COPB1: variants seen among roughly 807,000 people sequenced by gnomAD.
The protein encoded by COPB1 is coatomer subunit beta.
A neutral mutation model predicts 108.7 loss-of-function variants in COPB1; 21 were observed. That is an observed-to-expected ratio of 0.19 (90% confidence interval 0.14 to 0.28). COPB1 has a LOEUF of 0.28. Among genes scored for constraint, COPB1 ranks in the 10% least tolerant of loss-of-function variants. The pLI is 1.00. For synonymous variants in COPB1, 378 were observed against 386.8 expected (o/e 0.98, Z 0.27); for missense variants, 919 against 1,141.3 (o/e 0.81, Z 2.81).
intron 14 of COPB1, among the ~76,000 whole-genome samples, chr11:14,473,503 C>T (rs55665837): frequency 0.32 from 48,834 of 151,810 alleles, 9,114 homozygotes; most frequent in South Asian, 0.44. Flanking sequence ...GATTATTAAC[C>T]GGCCTAATTT....
rs770815031 is a variant in COPB1, at chr11:14,468,707, C to A, written c.2119G>T (p.Asp707Tyr). ...TTGTTAAGTTTAGATGCTAGGGGATCTGCTGCCTCTTTCCTCTGTGTGTTA... is the reference window on the plus strand; with the variant it reads ...TTGTTAAGTTTAGATGCTAGGGGATATGCTGCCTCTTTCCTCTGTGTGTTA... Reference protein sequence around the residue: ...MGNTQRKEAADPLASKLNKVT... With the variant: ...MGNTQRKEAAYPLASKLNKVT... The change falls in exon 16 of 22, where the codon GAT becomes TAT. Residue 707 changes from aspartate (D) to tyrosine (Y), a missense_variant. By Grantham distance (160) the Asp-to-Tyr change is radical. Coordinates refer to ENST00000439561, the MANE Select transcript of COPB1 (RefSeq NM_001144061.2). The A allele has an allele frequency of 6.2e-7, 1 of 1,614,068 alleles. No individual in the cohort carries two copies. The highest frequency in any genetic ancestry group is 1.1e-5 in the South Asian group (1 of 91,068).
chr11:14,464,976 A>G lies in COPB1; in HGVS notation c.2345T>C (p.Phe782Ser), dbSNP rs1289729516. Residue 782 changes from phenylalanine (F) to serine (S), a missense_variant, in exon 18 of 22, where the codon TTC becomes TCC. By Grantham distance (155) the Phe-to-Ser change is radical (BLOSUM62 -2). This residue lies in a region of COPB1 where 705 missense variants were observed against 817.8 expected (regional missense o/e 0.86). Transcript: ENST00000439561. ...PSPLTLAPHD[F>S]ANIKANVKVA... is the part of the protein sequence containing the mutation. The stretch of plus-strand genomic sequence containing the variant: ...TTTGACGTTAGCTTTAATATTTGCG[A>G]AGTCATGAGGAGCAAGAGTCAAAGG... 6.2e-7 allele frequency: 1 copy of G among 1,613,526 alleles called. No homozygotes were observed.
At chr11:14,481,488 T>A (rs997433431) in intron 8 of COPB1, among the ~76,000 whole-genome samples, 1 of 152,188 alleles carries the variant, frequency 6.6e-6, no homozygotes, top group Non-Finnish European at 1.5e-5. Context: ...AAAAAGATAC[T>A]GTCCAAAATT....
At chr11:14,490,730 T>A in intron 4 of COPB1, 51 bp from the exon 5 acceptor site, 1 of 958,328 alleles carries the variant, frequency 1.0e-6, no homozygotes, top group Non-Finnish European at 1.6e-6. Flanking sequence ...TACTTTACTA[T>A]TTTAGTAACT....
At chr11:14,485,332 A>T (rs1436262165) in intron 7 of COPB1, among the ~76,000 whole-genome samples, 1 of 148,784 alleles carries the variant, frequency 6.7e-6, no homozygotes, top group Non-Finnish European at 1.5e-5. Context: ...CCAGCTAATT[A>T]AAAAAAAAAG....
intron 13 of COPB1, 148 bp from the exon 14 acceptor site, chr11:14,474,763 A>G: frequency 8.3e-7 from 1 of 1,201,580 alleles, no homozygotes; most frequent in Non-Finnish European, 1.1e-6. Context: ...CTTAGCTCCC[A>G]GAAGAAAGAA....
intron 18 of COPB1, among the ~76,000 whole-genome samples, chr11:14,462,559 A>G (rs1589951857): frequency 6.6e-6 from 1 of 151,036 alleles, no homozygotes; most frequent in Admixed American, 6.6e-5. Flanking sequence ...ACATTCTTCC[A>G]CTCTTTCAAC....
At chr11:14,476,026 T>TA (rs1176120758) in intron 12 of COPB1, 81 bp from the exon 13 acceptor site, 1 of 1,277,086 alleles carries the variant, frequency 7.8e-7, no homozygotes, top group African/African-American at 1.5e-5. Context: ...ATTGTTTCTC[T>TA]AAAAAAGGCA....
intron 10 of COPB1, 77 bp from the exon 11 acceptor site, chr11:14,479,791 A>G: frequency 7.4e-7 from 1 of 1,343,298 alleles, no homozygotes; most frequent in Non-Finnish European, 1.0e-6. Flanking sequence ...GAAATAAATT[A>G]AAAGAATGTA....
chr11:14,494,077 C>T (rs1850967274), intron 3 of COPB1, 133 bp downstream of exon 3: 2 of 708,646 alleles, frequency 2.8e-6, no homozygotes, highest in Non-Finnish European at 4.5e-6. Context: ...AAAAATAACT[C>T]TTTTACAATT....
At chr11:14,461,517 T>G (rs546264097) in intron 18 of COPB1, among the ~76,000 whole-genome samples, 186 bp from the exon 19 acceptor site, 9 of 152,340 alleles carry the variant, frequency 5.9e-5, no homozygotes, top group Non-Finnish European at 1.2e-4. Flanking sequence ...CCATCAATTC[T>G]GATAGTATTA....
At chr11:14,494,472 A>G (rs754120809) in intron 2 of COPB1, 33 bp from the exon 3 acceptor site, 20 of 1,258,952 alleles carry the variant, frequency 1.6e-5, no homozygotes, top group South Asian at 1.3e-5. Context: ...AAAAAGCACA[A>G]TTATTTCAAA....
intron 2 of COPB1, among the ~76,000 whole-genome samples, chr11:14,497,101 G>A (rs1392749663): frequency 6.6e-6 from 1 of 152,074 alleles, no homozygotes; most frequent in Non-Finnish European, 1.5e-5. Context: ...AGAAAATATT[G>A]GGAAAAATCT....
At chr11:14,473,636 G>A (rs1315554486) in intron 14 of COPB1, among the ~76,000 whole-genome samples, 1 of 151,910 alleles carries the variant, frequency 6.6e-6, no homozygotes, top group Non-Finnish European at 1.5e-5. Flanking sequence ...AATGGTTCCT[G>A]GCATCCCAAA....
intron 8 of COPB1, among the ~76,000 whole-genome samples, chr11:14,481,712 A>G (rs1419934873): frequency 6.6e-6 from 1 of 152,234 alleles, no homozygotes; most frequent in Non-Finnish European, 1.5e-5. Flanking sequence ...AAACAATTCG[A>G]AACTGATAAA....
chr11:14,493,186 C>T (rs1240897817), intron 4 of COPB1, among the ~76,000 whole-genome samples: 1 of 152,068 alleles, frequency 6.6e-6, no homozygotes, highest in African/African-American at 2.4e-5. Context: ...AAATCTTCAG[C>T]TTTCTAAGAA....
intron 14 of COPB1, among the ~76,000 whole-genome samples, chr11:14,471,501 T>C (rs1304872198): frequency 6.6e-6 from 1 of 152,164 alleles, no homozygotes; most frequent in Non-Finnish European, 1.5e-5. Flanking sequence ...AATAAATAAA[T>C]GCCCACAAAA....
Position 14,468,801 on chromosome 11 carries a change from T to C in COPB1, c.2025A>G (p.Gln675=), listed in dbSNP as rs1240270024. 7 of 1,614,006 alleles carry C rather than the reference T, an allele frequency of 4.3e-6. No individual in the cohort carries two copies. The highest frequency in any genetic ancestry group is 5.9e-6 in the Non-Finnish European group (7 of 1,179,994). Residue 675 remains glutamine, a synonymous_variant, in exon 16 of 22, where the codon CAA becomes CAG. Transcript: ENST00000439561. ...AGTTCATTTCATTCTTAGCAGTTAG[T>C]TGCATGAAGGAAATGGGGTCATCAG... ...VQPDDPISFM[Q]LTAKNEMNCK...
At chr11:14,494,859 C>T (rs1179363609) in intron 2 of COPB1, 1 of 154,076 alleles carries the variant, frequency 6.5e-6, no homozygotes, top group East Asian at 1.9e-4. Flanking sequence ...AAAGTTAAAA[C>T]TACTATTATG....
Sources: gnomAD v4.1 joint callset for allele counts (sites outside exome capture counted in the v4.1 genomes callset) on GRCh38, gnomAD v4.1.1 for gene constraint, gnomAD v4.1.1 regional missense constraint, MANE v1.5 for transcripts, NCBI Gene and HGNC (gene_info 2026-07-23, HGNC 2026-07-21) for gene names.